Variants in UBASH3B observed in about 807,000 individuals in gnomAD.
The protein encoded by UBASH3B is ubiquitin-associated and SH3 domain-containing protein B.
Under a neutral mutation model 83.4 loss-of-function variants are expected in UBASH3B, and 37 were observed. The observed-to-expected ratio is 0.44, with a 90% CI of 0.34 to 0.58. The LOEUF is 0.58. Ranked by LOEUF, UBASH3B falls within the 20% of genes least tolerant of loss-of-function variation. The probability of loss-of-function intolerance (pLI) is 0.01; values close to 1 mark genes in which losing one functional copy is unlikely to be tolerated. For missense variants in UBASH3B, 657 were observed against 827.2 expected (o/e 0.79, Z 2.52); for synonymous variants, 304 against 318.3 (o/e 0.96, Z 0.48).
At chr11:122,739,433 A>G (rs1860989495) in intron 1 of UBASH3B, among the ~76,000 whole-genome samples, 1 of 152,188 alleles carries the variant, frequency 6.6e-6, no homozygotes, top group Non-Finnish European at 1.5e-5. Flanking sequence ...AATGGGAATA[A>G]TAAGATTTCT....
chr11:122,703,117 G>A (rs1287376011), intron 1 of UBASH3B, among the ~76,000 whole-genome samples: 1 of 152,024 alleles, frequency 6.6e-6, no homozygotes, highest in Non-Finnish European at 1.5e-5. Context: ...TGGTGGACAT[G>A]CCACTTCTTT....
chr11:122,702,140 C>T (rs1315488866), intron 1 of UBASH3B, among the ~76,000 whole-genome samples: 4 of 152,144 alleles, frequency 2.6e-5, no homozygotes, highest in Non-Finnish European at 5.9e-5. Context: ...AGTAATGCAG[C>T]GTATGCTCAA....
intron 4 of UBASH3B, among the ~76,000 whole-genome samples, chr11:122,780,886 T>C (rs1285949572): frequency 6.6e-6 from 1 of 152,064 alleles, no homozygotes; most frequent in Non-Finnish European, 1.5e-5. Flanking sequence ...TTTTAGGGAG[T>C]GCCAGAGAGG....
intron 1 of UBASH3B, among the ~76,000 whole-genome samples, chr11:122,691,397 CT>C (rs1863894729): frequency 6.6e-6 from 1 of 152,184 alleles, no homozygotes; most frequent in Non-Finnish European, 1.5e-5. Context: ...CTCTGACTTC[CT>C]TGGGTGCAAA....
intron 1 of UBASH3B, among the ~76,000 whole-genome samples, chr11:122,746,038 A>G (rs1211637803): frequency 6.6e-6 from 1 of 152,150 alleles, no homozygotes; most frequent in Non-Finnish European, 1.5e-5. Flanking sequence ...GATGTTCAAC[A>G]TGTGTGGGAT....
At chr11:122,716,757 A>G (rs1263823001) in intron 1 of UBASH3B, among the ~76,000 whole-genome samples, 10 of 152,254 alleles carry the variant, frequency 6.6e-5, no homozygotes, top group South Asian at 2.1e-4. Context: ...ATTCCTGTCT[A>G]AGGAGTCCAG....
intron 5 of UBASH3B, among the ~76,000 whole-genome samples, chr11:122,786,007 C>T (rs554603955): frequency 7.9e-5 from 12 of 152,238 alleles, no homozygotes; most frequent in African/African-American, 2.4e-4. Context: ...GAAAAACATA[C>T]CTGAGGTGGA....
chr11:122,655,921 C>T lies in UBASH3B; in HGVS notation c.-129C>T. 4.7e-6 allele frequency: 5 copies of T among 1,055,576 alleles called. No homozygotes were observed. The highest frequency in any genetic ancestry group is 6.4e-6 in the Non-Finnish European group (5 of 783,536). 65.4% of individuals were successfully genotyped at this position (1,055,576 alleles called of 1,614,324 possible). A position where few individuals can be genotyped will look rare whatever the true frequency, so the allele number is the denominator to read the frequency against. On this transcript the variant is annotated 5_prime_UTR_variant, in exon 1 of 14. Coordinates refer to ENST00000284273, the MANE Select transcript of UBASH3B (RefSeq NM_032873.5). The stretch of plus-strand genomic sequence containing the variant: ...ACACTGGGGAAGCTCGGAGCGCCGC[C>T]TCCGCTGCCGCCGCCTCCTGCCTGG...
At chr11:122,726,531 G>T (rs1186846126) in intron 1 of UBASH3B, among the ~76,000 whole-genome samples, 1 of 151,884 alleles carries the variant, frequency 6.6e-6, no homozygotes, top group Non-Finnish European at 1.5e-5. Flanking sequence ...TGTATTTTTA[G>T]TAGAGACGGG....
intron 1 of UBASH3B, among the ~76,000 whole-genome samples, chr11:122,719,572 G>A (rs1860586868): frequency 1.3e-5 from 2 of 152,114 alleles, no homozygotes; most frequent in Non-Finnish European, 2.9e-5. Context: ...ATAGGTCAAG[G>A]AGCCTCCCAG....
Position 122,799,485 on chromosome 11 carries a change from CT to C in UBASH3B, c.1450+452del, listed in dbSNP as rs1342291086. Among the ~76,000 whole-genome samples, 14 of 140,020 alleles carry C rather than the reference CT, an allele frequency of 1.0e-4. No individual in the cohort carries two copies. The East Asian group carries it at 2.6e-3, about 26-fold the overall frequency. The allele number at this position is 140,020 out of a possible 152,430, so 91.9% of individuals were successfully genotyped here. Reference sequence around the variant, plus strand: ...CTGGGCAACAAAAGTGAAACTCCATCTCAAAAAAAAAAAAAAAATACTCTGG... The same window carrying C: ...CTGGGCAACAAAAGTGAAACTCCATCCAAAAAAAAAAAAAAAATACTCTGG... On this transcript the variant is annotated intron_variant, in intron 10 of 13. Transcript: ENST00000284273.
chr11:122,799,540 C>T (rs565528028), intron 10 of UBASH3B, among the ~76,000 whole-genome samples: 1 of 151,620 alleles, frequency 6.6e-6, no homozygotes, highest in South Asian at 2.1e-4. Context: ...AGGAAGTATA[C>T]TAATGTTTTC....
At chr11:122,664,840 C>T (rs1481424997) in intron 1 of UBASH3B, among the ~76,000 whole-genome samples, 2 of 152,232 alleles carry the variant, frequency 1.3e-5, no homozygotes, top group African/African-American at 4.8e-5. Context: ...AGGTTTTTCC[C>T]ATCTGGCACT....
chr11:122,751,150 C>T (rs1046328192), intron 1 of UBASH3B, among the ~76,000 whole-genome samples: 2 of 152,176 alleles, frequency 1.3e-5, no homozygotes, highest in Non-Finnish European at 2.9e-5. Flanking sequence ...TATTGCAGTG[C>T]TTTGGCCAAC....
At chr11:122,728,717 G>C (rs1860787220) in intron 1 of UBASH3B, among the ~76,000 whole-genome samples, 1 of 152,182 alleles carries the variant, frequency 6.6e-6, no homozygotes, top group Non-Finnish European at 1.5e-5. Context: ...CACTGTGCTG[G>C]AGTCTGGTGA....
intron 1 of UBASH3B, among the ~76,000 whole-genome samples, chr11:122,719,443 T>C (rs1428220605): frequency 6.6e-6 from 1 of 152,214 alleles, no homozygotes; most frequent in Non-Finnish European, 1.5e-5. Flanking sequence ...GTCCCTTTCT[T>C]TCATTACTCT....
chr11:122,786,291 C>T (rs951894478), intron 5 of UBASH3B, among the ~76,000 whole-genome samples: 12 of 151,936 alleles, frequency 7.9e-5, no homozygotes, highest in Admixed American at 6.5e-4. Flanking sequence ...CCTCATGATC[C>T]GCCTATCTCG....
At chr11:122,782,872 A>T in intron 4 of UBASH3B, 181 bp from the exon 5 acceptor site, 1 of 693,284 alleles carries the variant, frequency 1.4e-6, no homozygotes, top group Non-Finnish European at 2.3e-6. Context: ...CTTGATTCGG[A>T]ATCTCTTGCC....
intron 7 of UBASH3B, among the ~76,000 whole-genome samples, chr11:122,795,258 G>A (rs946504160): frequency 2.6e-5 from 4 of 152,170 alleles, no homozygotes; most frequent in South Asian, 2.1e-4. Context: ...GCAGGGAGTC[G>A]TTGTTGAACA....
Sources: allele counts gnomAD v4.1 joint callset (sites outside exome capture counted in the v4.1 genomes callset), GRCh38; gene constraint gnomAD v4.1.1; transcripts MANE v1.5; gene names NCBI Gene and HGNC (gene_info 2026-07-23, HGNC 2026-07-21).